DTNB: variants seen among roughly 807,000 people sequenced by gnomAD.
The protein encoded by DTNB is DTN-B.
Under a neutral mutation model 90.7 loss-of-function variants are expected in DTNB, and 63 were observed. The observed-to-expected ratio is 0.69, with a 90% confidence interval of 0.57 to 0.86. The LOEUF is 0.86. Among genes scored for constraint, DTNB ranks in the 40% least tolerant of loss-of-function variants. DTNB has a pLI of 0.00. For missense variants in DTNB, 744 were observed against 807.1 expected (o/e 0.92, Z 0.95); for synonymous variants, 277 against 286.7 (o/e 0.97, Z 0.34).
At position 25,634,236 on chromosome 2, in the gene DTNB, G is replaced by T. The variant is rs2076551991; in HGVS notation, c.148+4778C>A. Among the ~76,000 whole-genome samples, 5 of 112,920 alleles carry T rather than the reference G, an allele frequency of 4.4e-5. 1 individual carries two copies. In the East Asian group the frequency reaches 1.1e-3, roughly 25 times the overall value. 74.1% of individuals were successfully genotyped at this position (112,920 alleles called of 152,430 possible). On this transcript the variant is annotated intron_variant, in intron 3 of 20. Coordinates refer to ENST00000406818, the MANE Select transcript of DTNB (RefSeq NM_021907.5). ...CAGCCGCCCTGTCCGGGAGGGAGGT[G>T]GGGGGGTCAGCCCCCCGCCCGGCCA...
intron 3 of DTNB, among the ~76,000 whole-genome samples, chr2:25,636,726 T>G (rs955349508): frequency 6.6e-6 from 1 of 152,114 alleles, no homozygotes; most frequent in Admixed American, 6.5e-5. Flanking sequence ...ACCACATAAG[T>G]TGCATTCTAA....
chr2:25,580,971 A>T, intron 6 of DTNB, 145 bp from the exon 7 acceptor site: 1 of 617,350 alleles, frequency 1.6e-6, no homozygotes, highest in Non-Finnish European at 2.9e-6. Flanking sequence ...ATTACTACAG[A>T]CACTACTACA....
chr2:25,422,867 A>G (rs1363336587), intron 15 of DTNB, among the ~76,000 whole-genome samples: 1 of 152,224 alleles, frequency 6.6e-6, no homozygotes, highest in East Asian at 1.9e-4. Context: ...AGATATGTAG[A>G]GAAACATGAA....
chr2:25,442,755 C>T (rs770011351), intron 12 of DTNB, among the ~76,000 whole-genome samples: 3 of 152,214 alleles, frequency 2.0e-5, no homozygotes, highest in African/African-American at 7.2e-5. Context: ...AGTCACATAA[C>T]CCTGTGTTTG....
At chr2:25,379,489 A>C in intron 19 of DTNB, 166 bp from the exon 20 acceptor site, 1 of 844,250 alleles carries the variant, frequency 1.2e-6, no homozygotes, top group East Asian at 3.3e-5. Context: ...AGCAGGGTAG[A>C]GTCATACTTT....
intron 3 of DTNB, among the ~76,000 whole-genome samples, chr2:25,629,240 T>C (rs2075151867): frequency 6.6e-6 from 1 of 152,054 alleles, no homozygotes; most frequent in Non-Finnish European, 1.5e-5. Flanking sequence ...AAAAAAACTT[T>C]CAAGAAAAAA....
At chr2:25,596,352 A>C (rs577050939) in intron 5 of DTNB, 112 bp from the exon 6 acceptor site, 5 of 1,246,994 alleles carry the variant, frequency 4.0e-6, no homozygotes, top group African/African-American at 3.1e-5. Flanking sequence ...AAGTATCATA[A>C]AATTATTGTG....
intron 10 of DTNB, among the ~76,000 whole-genome samples, chr2:25,470,369 A>ATTT (rs71397496): frequency 2.3e-4 from 30 of 132,736 alleles, no homozygotes; most frequent in Admixed American, 3.1e-4. Context: ...TTACACGACA[A>ATTT]TTTTTTTTTT....
chr2:25,616,403 C>T (rs1045529071), intron 4 of DTNB, among the ~76,000 whole-genome samples: 1 of 152,062 alleles, frequency 6.6e-6, no homozygotes, highest in African/African-American at 2.4e-5. Context: ...CACTTTGCAT[C>T]CTTATTCAAA....
chr2:25,579,433 G>A (rs903165434), intron 7 of DTNB, among the ~76,000 whole-genome samples: 2 of 152,184 alleles, frequency 1.3e-5, no homozygotes, highest in African/African-American at 2.4e-5. Context: ...TTCTTCCGGG[G>A]GGATAAAAGT....
intron 8 of DTNB, among the ~76,000 whole-genome samples, chr2:25,555,818 C>T (rs1456391348): frequency 1.3e-5 from 2 of 152,032 alleles, no homozygotes; most frequent in African/African-American, 4.8e-5. Context: ...GAATTCAAGA[C>T]CAGCCTGGCC....
chr2:25,528,595 G>A (rs1293818298), intron 9 of DTNB, among the ~76,000 whole-genome samples: 1 of 152,076 alleles, frequency 6.6e-6, no homozygotes, highest in Non-Finnish European at 1.5e-5. Context: ...CATAGACAGT[G>A]GACTAAAATA....
intron 4 of DTNB, among the ~76,000 whole-genome samples, chr2:25,611,601 A>C (rs2068634118): frequency 6.6e-6 from 1 of 152,178 alleles, no homozygotes; most frequent in Non-Finnish European, 1.5e-5. Flanking sequence ...GAGGAGTTTG[A>C]AAATAATCTA....
chr2:25,472,324 G>A (rs909172278), intron 10 of DTNB, among the ~76,000 whole-genome samples: 1 of 152,204 alleles, frequency 6.6e-6, no homozygotes, highest in Admixed American at 6.5e-5. Flanking sequence ...ACAAAGAAGA[G>A]AGAACAAAGG....
intron 10 of DTNB, among the ~76,000 whole-genome samples, chr2:25,466,574 A>T (rs1199174740): frequency 6.6e-6 from 1 of 152,212 alleles, no homozygotes; most frequent in Non-Finnish European, 1.5e-5. Context: ...TCACTCAGCC[A>T]GGCGAGTGCT....
intron 9 of DTNB, among the ~76,000 whole-genome samples, chr2:25,517,456 A>G (rs2075328121): frequency 6.6e-6 from 1 of 152,232 alleles, no homozygotes; most frequent in African/African-American, 2.4e-5. Context: ...AAAAAAGACA[A>G]ATCAAAATCA....
intron 3 of DTNB, among the ~76,000 whole-genome samples, chr2:25,632,242 C>T (rs906121559): frequency 1.4e-5 from 2 of 141,280 alleles, no homozygotes; most frequent in African/African-American, 5.2e-5. Flanking sequence ...AGCCATAAAG[C>T]AAATCTCAAT....
chr2:25,525,911 A>G (rs534369614), intron 9 of DTNB, among the ~76,000 whole-genome samples: 1 of 152,148 alleles, frequency 6.6e-6, no homozygotes, highest in South Asian at 2.1e-4. Context: ...GAAAGAATGG[A>G]TAAGAAGCAG....
chr2:25,409,690 C>A (rs564010863), intron 16 of DTNB, among the ~76,000 whole-genome samples: 26 of 152,286 alleles, frequency 1.7e-4, no homozygotes, highest in Non-Finnish European at 3.4e-4. Flanking sequence ...GTCTTATTGT[C>A]TCACTAACTT....
Sources: gnomAD v4.1 joint callset for allele counts (sites outside exome capture counted in the v4.1 genomes callset) on GRCh38, gnomAD v4.1.1 for gene constraint, MANE v1.5 for transcripts, NCBI Gene and HGNC (gene_info 2026-07-23, HGNC 2026-07-21) for gene names.